Variants in FILIP1L observed in about 807,000 individuals in gnomAD.
FILIP1L encodes filamin A interacting protein 1 like.
FILIP1L carries 55 observed loss-of-function variants against 96.6 expected under a neutral mutation model. The observed-to-expected ratio is 0.57, with a 90% confidence interval of 0.46 to 0.71. The LOEUF is 0.71. Among genes scored for constraint, FILIP1L ranks in the 30% least tolerant of loss-of-function variants. The probability of loss-of-function intolerance (pLI) is 0.00; values close to 1 mark genes in which losing one functional copy is unlikely to be tolerated. For synonymous variants in FILIP1L, 467 were observed against 473.9 expected (o/e 0.99, Z 0.19); for missense variants, 1,304 against 1,321.2 (o/e 0.99, Z 0.20).
intron 1 of FILIP1L, among the ~76,000 whole-genome samples, chr3:100,084,656 A>C (rs1307152420): frequency 6.6e-6 from 1 of 152,254 alleles, no homozygotes. Flanking sequence ...CCGTAAAGCC[A>C]TAAGTTAGAG....
intron 1 of FILIP1L, among the ~76,000 whole-genome samples, chr3:100,090,697 AT>A (rs2066089105): frequency 6.6e-6 from 1 of 152,144 alleles, no homozygotes. Context: ...ATAAGGCTGT[AT>A]TTAATTAGGA....
At chr3:100,022,735 C>T (rs1053533734) in intron 1 of FILIP1L, among the ~76,000 whole-genome samples, 8 of 152,204 alleles carry the variant, frequency 5.3e-5, no homozygotes, top group Non-Finnish European at 1.0e-4. Flanking sequence ...TCATATGTTT[C>T]CATCATTTGT....
At chr3:99,876,027 A>ACAG (rs983619013) in intron 4 of FILIP1L, 9 of 984,730 alleles carry the variant, frequency 9.1e-6, no homozygotes, top group Non-Finnish European at 1.1e-5. Flanking sequence ...TGGCTGTCTG[A>ACAG]CAGCAGTGCC....
At chr3:99,922,490 A>G (rs974363407) in intron 4 of FILIP1L, among the ~76,000 whole-genome samples, 6 of 152,202 alleles carry the variant, frequency 3.9e-5, no homozygotes, top group Admixed American at 3.3e-4. Flanking sequence ...TAGAGTGAAT[A>G]TAAGTGCCAT....
At chr3:99,922,573 T>C (rs1457867309) in intron 4 of FILIP1L, among the ~76,000 whole-genome samples, 1 of 152,214 alleles carries the variant, frequency 6.6e-6, no homozygotes, top group African/African-American at 2.4e-5. Flanking sequence ...GCTATTAGCC[T>C]AGATATTGAG....
intron 1 of FILIP1L, among the ~76,000 whole-genome samples, chr3:100,022,756 A>G (rs1028376859): frequency 6.6e-6 from 1 of 152,094 alleles, no homozygotes; most frequent in Non-Finnish European, 1.5e-5. Flanking sequence ...TCCCATGGTT[A>G]TTTTCTGCTG....
At chr3:99,969,475 C>T (rs1708750653) in intron 1 of FILIP1L, among the ~76,000 whole-genome samples, 1 of 152,090 alleles carries the variant, frequency 6.6e-6, no homozygotes, top group East Asian at 1.9e-4. Flanking sequence ...CTGAGCTCAA[C>T]AGATTGGTCA....
chr3:99,879,565 C>G (rs1471198358), intron 4 of FILIP1L, among the ~76,000 whole-genome samples: 1 of 152,140 alleles, frequency 6.6e-6, no homozygotes, highest in Non-Finnish European at 1.5e-5. Context: ...TCATGTCTTT[C>G]AGTCATCCAA....
rs1327534892 is a variant in FILIP1L, at chr3:99,946,350, G to T, written c.-10-15320C>A. ...AGCTACAACTATCAATGGAGAATTT[G>T]GAAATTTTTTGTTACGGAAAAGGAG... is the stretch of plus-strand genomic sequence containing the variant. On this transcript the variant is annotated intron_variant, in intron 1 of 5. Transcript: ENST00000477258. 2.6e-5 allele frequency among the ~76,000 whole-genome samples: 4 copies of T among 152,210 alleles called. No homozygotes were observed. In the East Asian group the frequency reaches 7.7e-4, roughly 29 times the overall value.
chr3:99,982,028 T>C (rs1339820066), intron 1 of FILIP1L, among the ~76,000 whole-genome samples: 1 of 151,890 alleles, frequency 6.6e-6, no homozygotes, highest in African/African-American at 2.4e-5. Flanking sequence ...CTGATAAACA[T>C]AATATGCTCT....
At chr3:99,975,350 AG>A (rs1708938314) in intron 1 of FILIP1L, among the ~76,000 whole-genome samples, 2 of 152,262 alleles carry the variant, frequency 1.3e-5, no homozygotes, top group Non-Finnish European at 2.9e-5. Flanking sequence ...GTTCTAGTGC[AG>A]GAGACTGACA....
chr3:99,910,207 A>G lies in FILIP1L; in HGVS notation c.605+14023T>C, dbSNP rs1359173439. Among the ~76,000 whole-genome samples the G allele has an allele frequency of 4.4e-5, 6 of 136,604 alleles. 1 individual carries two copies. Among genetic ancestry groups the G allele is most frequent in the Middle Eastern group, 3.7e-3 (1 of 272 alleles). 89.6% of individuals were successfully genotyped at this position (136,604 alleles called of 152,430 possible). ...TGTCTAAAAACCTGTATGGATTTCAAAGGCTTAGAGAGGATTAAAAGGCTA... is the reference window on the plus strand; with the variant it reads ...TGTCTAAAAACCTGTATGGATTTCAGAGGCTTAGAGAGGATTAAAAGGCTA... On this transcript the variant is annotated intron_variant, in intron 4 of 5. Coordinates refer to ENST00000477258, the MANE Select transcript of FILIP1L (RefSeq NM_001387850.1).
At chr3:100,013,592 T>G (rs1455875517) in intron 1 of FILIP1L, among the ~76,000 whole-genome samples, 1 of 152,184 alleles carries the variant, frequency 6.6e-6, no homozygotes, top group African/African-American at 2.4e-5. Flanking sequence ...TGTTTGAAAT[T>G]ATATTTATAA....
chr3:100,038,257 C>G (rs1292131315), intron 1 of FILIP1L, among the ~76,000 whole-genome samples: 1 of 152,094 alleles, frequency 6.6e-6, no homozygotes, highest in Non-Finnish European at 1.5e-5. Flanking sequence ...CGCCCGGCCT[C>G]TCTTTTCTTC....
chr3:99,924,383 TTA>T lies in FILIP1L; in HGVS notation c.450_451del (p.His150GlnfsTer19). On this transcript the variant is annotated frameshift_variant, in exon 4 of 6. Transcript: ENST00000477258. LOFTEE classifies it high-confidence loss of function. ...TCCCAGGATTCGTCTGTAAGATTCTTTATGTTTTTCCACAACTTTGTCCAACT... is the reference window on the plus strand; with the variant it reads ...TCCCAGGATTCGTCTGTAAGATTCTTTGTTTTTCCACAACTTTGTCCAACT... The T allele has an allele frequency of 6.2e-7, 1 of 1,614,130 alleles. No individual in the cohort carries two copies. The highest frequency in any genetic ancestry group is 8.5e-7 in the Non-Finnish European group (1 of 1,180,024).
intron 1 of FILIP1L, among the ~76,000 whole-genome samples, chr3:99,980,824 C>G (rs976313521): frequency 6.6e-6 from 1 of 152,100 alleles, no homozygotes; most frequent in African/African-American, 2.4e-5. Context: ...CATGTTCTAG[C>G]TATTCAGAGG....
chr3:99,946,695 T>C (rs80319684), intron 1 of FILIP1L, among the ~76,000 whole-genome samples: 2,522 of 152,332 alleles, frequency 0.017, 41 homozygotes, highest in Middle Eastern at 0.027. Flanking sequence ...TGAGGGATGA[T>C]TGTAGTTTAA....
intron 1 of FILIP1L, among the ~76,000 whole-genome samples, chr3:100,074,227 T>A (rs1040609953): frequency 6.6e-6 from 1 of 152,220 alleles, no homozygotes. Flanking sequence ...ACAGCCCCCC[T>A]GGGCCTCCAG....
rs1312776982 is a variant in FILIP1L, at chr3:100,020,649, G to A, written c.-10-89619C>T. 2.0e-5 allele frequency among the ~76,000 whole-genome samples: 3 copies of A among 150,312 alleles called. No homozygotes were observed. The South Asian group carries it at 6.3e-4, about 32-fold the overall frequency. ...ATAACATTTTTAAAATAGTCTTAAAGTTCTTAAAAAGTGTTTATTTTTAGT... is the reference window on the plus strand; with the variant it reads ...ATAACATTTTTAAAATAGTCTTAAAATTCTTAAAAAGTGTTTATTTTTAGT... On this transcript the variant is annotated intron_variant, in intron 1 of 5. Coordinates refer to ENST00000477258, the MANE Select transcript of FILIP1L (RefSeq NM_001387850.1).
Sources: gnomAD v4.1 joint callset for allele counts (sites outside exome capture counted in the v4.1 genomes callset) on GRCh38, gnomAD v4.1.1 for gene constraint, MANE v1.5 for transcripts, NCBI Gene and HGNC (gene_info 2026-07-23, HGNC 2026-07-21) for gene names.